The following GRID1 variants were observed in gnomAD, a reference collection of about 807,000 sequenced individuals.
The protein encoded by GRID1 is glutamate receptor ionotropic, delta-1.
In GRID1, 28 loss-of-function variants were observed where a neutral mutation model predicts 98.0. That is an observed-to-expected ratio of 0.29 (90% CI 0.21 to 0.39). The LOEUF (loss-of-function observed/expected upper bound fraction) is 0.39. GRID1 is among the 10% of genes least tolerant of loss of function. The pLI, the probability that GRID1 is intolerant of heterozygous loss-of-function variation, is 1.00. For synonymous variants in GRID1, 553 were observed against 538.5 expected, an observed-to-expected ratio of 1.03 and a Z score of -0.37; for missense variants, 1,111 against 1,340.5, an observed-to-expected ratio of 0.83 and a Z score of 2.67.
intron 15 of GRID1, 89 bp from the exon 16 acceptor site, chr10:85,602,790 G>T: frequency 1.1e-6 from 1 of 903,064 alleles, no homozygotes; most frequent in Non-Finnish European, 1.7e-6. Context: ...TAGTCACCAG[G>T]CCTGGTCAGC....
chr10:86,070,802 G>A lies in GRID1; in HGVS notation c.726+68017C>T, dbSNP rs565595917. Among the ~76,000 whole-genome samples the A allele has an allele frequency of 3.3e-4, 50 of 152,314 alleles. No homozygotes were observed. The South Asian group carries it at 9.5e-3, about 29-fold the overall frequency. Reference sequence around the variant, plus strand: ...GAGCTAGGCCCAGCTGATACAGAGAGTAACAGGATTAATCCCATCTTGCTC... The same window carrying A: ...GAGCTAGGCCCAGCTGATACAGAGAATAACAGGATTAATCCCATCTTGCTC... On this transcript the variant is annotated intron_variant, in intron 4 of 15. Transcript: ENST00000327946.
chr10:85,859,906 A>G (rs1843148872), intron 6 of GRID1, among the ~76,000 whole-genome samples: 1 of 152,168 alleles, frequency 6.6e-6, no homozygotes, highest in Non-Finnish European at 1.5e-5. Flanking sequence ...TCACAAGTAG[A>G]TGGTAGAAAG....
intron 4 of GRID1, among the ~76,000 whole-genome samples, chr10:85,972,356 T>A (rs927299404): frequency 4.0e-5 from 6 of 151,044 alleles, no homozygotes; most frequent in Non-Finnish European, 7.4e-5. Flanking sequence ...TCAAAGGCAA[T>A]TGGGAAGAGC....
At chr10:85,688,974 A>G (rs77779505) in intron 12 of GRID1, among the ~76,000 whole-genome samples, 9 of 152,266 alleles carry the variant, frequency 5.9e-5, no homozygotes, top group Admixed American at 5.2e-4. Flanking sequence ...GATTATTTTC[A>G]GGCAGCTTGT....
chr10:85,697,782 T>C (rs1177138070), intron 12 of GRID1, among the ~76,000 whole-genome samples: 3 of 152,050 alleles, frequency 2.0e-5, no homozygotes, highest in African/African-American at 7.2e-5. Flanking sequence ...TTATAGATCA[T>C]TTTTTTTCTA....
At chr10:85,975,071 A>T (rs550727616) in intron 4 of GRID1, among the ~76,000 whole-genome samples, 1 of 152,330 alleles carries the variant, frequency 6.6e-6, no homozygotes, top group East Asian at 1.9e-4. Flanking sequence ...CCTCATGCAA[A>T]TCTAAATATG....
intron 4 of GRID1, among the ~76,000 whole-genome samples, chr10:85,957,181 G>A (rs1022950383): frequency 2.6e-5 from 4 of 152,104 alleles, no homozygotes; most frequent in African/African-American, 9.7e-5. Context: ...ATTACAATTC[G>A]GATTACAATT....
chr10:85,614,819 T>C (rs1034026777), intron 14 of GRID1, among the ~76,000 whole-genome samples: 1 of 152,100 alleles, frequency 6.6e-6, no homozygotes, highest in African/African-American at 2.4e-5. Context: ...TACTCCCCAT[T>C]GTGGTTTTCT....
At chr10:86,235,683 A>G (rs543734474) in intron 2 of GRID1, among the ~76,000 whole-genome samples, 2 of 152,326 alleles carry the variant, frequency 1.3e-5, no homozygotes, top group South Asian at 4.1e-4. Context: ...ACTTAGAATA[A>G]TGTTTTGAGG....
intron 2 of GRID1, among the ~76,000 whole-genome samples, chr10:86,288,008 A>G (rs1010023448): frequency 3.9e-5 from 6 of 152,112 alleles, no homozygotes; most frequent in African/African-American, 1.4e-4. Flanking sequence ...AGCCCCTGCC[A>G]TGCTCTGCCT....
At chr10:85,629,481 G>T (rs1313358785) in intron 13 of GRID1, among the ~76,000 whole-genome samples, 2 of 151,940 alleles carry the variant, frequency 1.3e-5, no homozygotes, top group African/African-American at 4.8e-5. Context: ...AGAACATGTG[G>T]TATTTGATTT....
chr10:86,225,824 G>T (rs1329196266), intron 2 of GRID1, among the ~76,000 whole-genome samples: 1 of 152,176 alleles, frequency 6.6e-6, no homozygotes, highest in Non-Finnish European at 1.5e-5. Flanking sequence ...AGCACTCATT[G>T]TGACCTCAAG....
intron 12 of GRID1, among the ~76,000 whole-genome samples, chr10:85,706,491 G>A (rs1475671078): frequency 1.3e-5 from 2 of 152,168 alleles, no homozygotes; most frequent in Non-Finnish European, 2.9e-5. Flanking sequence ...AACATGCCAT[G>A]CTCATGGGTA....
At chr10:86,336,952 C>T (rs1452136156) in intron 2 of GRID1, among the ~76,000 whole-genome samples, 1 of 151,084 alleles carries the variant, frequency 6.6e-6, no homozygotes, top group African/African-American at 2.4e-5. Context: ...TCACGCCATT[C>T]TCCTGCCTCA....
chr10:86,028,444 C>T lies in GRID1; in HGVS notation c.726+110375G>A, dbSNP rs529344452. The stretch of plus-strand genomic sequence containing the variant: ...TCTGACTTCAGGTGAGTCAGTCCAC[C>T]GAAGTGAACTGGCCCTGGTCTTCCT... On this transcript the variant is annotated intron_variant, in intron 4 of 15. Transcript: ENST00000327946. Among the ~76,000 whole-genome samples, 7 of 152,244 alleles carry T rather than the reference C, an allele frequency of 4.6e-5. No homozygotes were observed. In the South Asian group the frequency reaches 1.5e-3, roughly 32 times the overall value.
intron 4 of GRID1, among the ~76,000 whole-genome samples, chr10:86,103,270 C>T (rs1221714323): frequency 6.6e-6 from 1 of 152,176 alleles, no homozygotes; most frequent in South Asian, 2.1e-4. Flanking sequence ...GAGGACAGCA[C>T]CAGAGTCGGC....
chr10:85,910,358 G>A lies in GRID1; in HGVS notation c.780+5828C>T, dbSNP rs75458121. Among the ~76,000 whole-genome samples the A allele has an allele frequency of 3.3e-3, 505 of 152,226 alleles. 3 individuals carry two copies. The highest frequency in any genetic ancestry group is 0.012 in the African/African-American group (483 of 41,536). On this transcript the variant is annotated intron_variant, in intron 5 of 15. Transcript: ENST00000327946. ...TTTGTTTTCTTCAATTAGAGCATTC[G>A]CATCTTCCTCTCCCACATTATATAT...
At chr10:85,970,983 T>C (rs1450032524) in intron 4 of GRID1, among the ~76,000 whole-genome samples, 1 of 152,048 alleles carries the variant, frequency 6.6e-6, no homozygotes, top group Non-Finnish European at 1.5e-5. Context: ...ATAAATAAAT[T>C]CTGCAAGGTT....
chr10:86,301,800 C>A (rs540431242), intron 2 of GRID1, among the ~76,000 whole-genome samples: 1 of 152,238 alleles, frequency 6.6e-6, no homozygotes, highest in Admixed American at 6.5e-5. Context: ...GTTTCTTTAC[C>A]CTTCTTAAGG....
Sources: gnomAD v4.1 joint callset for allele counts (sites outside exome capture counted in the v4.1 genomes callset) on GRCh38, gnomAD v4.1.1 for gene constraint, MANE v1.5 for transcripts, NCBI Gene and HGNC (gene_info 2026-07-23, HGNC 2026-07-21) for gene names.